NAPRT: variants seen among roughly 807,000 people sequenced by gnomAD.
NAPRT encodes FHA-HIT-interacting protein.
NAPRT carries 66 observed loss-of-function variants against 60.7 expected under a neutral mutation model. The observed-to-expected ratio is 1.09, with a 90% CI of 0.89 to 1.33. NAPRT has a LOEUF of 1.33. NAPRT is among the 40% of genes most tolerant of loss of function. The pLI is 0.00. For missense variants in NAPRT, 818 were observed against 731.5 expected, an observed-to-expected ratio of 1.12 and a Z score of -1.36; for synonymous variants, 405 against 335.7, an observed-to-expected ratio of 1.21 and a Z score of -2.26.
chr8:143,578,037 C>A, intron 1 of NAPRT, 56 bp downstream of exon 1: 1 of 1,505,138 alleles, frequency 6.6e-7, no homozygotes, highest in South Asian at 1.3e-5. Flanking sequence ...TTCCACCGGC[C>A]ATAGGTGGGG....
In NAPRT at chr8:143,576,415, C is replaced by G. The variant is rs759195435; in HGVS notation, c.1022+17G>C. The G allele has an allele frequency of 1.9e-6, 3 of 1,591,550 alleles. No homozygotes were observed. Among genetic ancestry groups the G allele is most frequent in the African/African-American group, 1.3e-5 (1 of 74,384 alleles). On this transcript the variant is annotated intron_variant, in intron 7 of 12. Transcript: ENST00000449291. ...GGGGATCTCCCACCAGGCACACCTC[C>G]TCCCCGGGAAACTCACTGGGCTGCA...
intron 5 of NAPRT, 24 bp from the exon 6 acceptor site, chr8:143,576,866 A>C: frequency 6.3e-7 from 1 of 1,579,176 alleles, no homozygotes; most frequent in Non-Finnish European, 8.6e-7. Flanking sequence ...TCGGTGAAGA[A>C]TGGGGGCCAG....
rs1409993090 is a variant in NAPRT, at chr8:143,575,401, A to AG, written c.1291+21dup. 2.5e-6 allele frequency: 4 copies of AG among 1,593,894 alleles called. No individual in the cohort carries two copies. In the Admixed American group the frequency reaches 5.0e-5, roughly 20 times the overall value. The stretch of plus-strand genomic sequence containing the variant: ...CCCTGGTGCTTTGAAGGTGGACAGC[A>AG]GGGGGGATGGGAGGGCCTCACCGTC... On this transcript the variant is annotated intron_variant, in intron 10 of 12. Transcript: ENST00000449291.
At chr8:143,577,432 GTGAGGA>G in intron 3 of NAPRT, 33 bp from the exon 4 acceptor site, 1 of 1,590,266 alleles carries the variant, frequency 6.3e-7, no homozygotes, top group Non-Finnish European at 8.6e-7. Flanking sequence ...GGGTCCCAGG[GTGAGGA>G]TCACTAGGCC....
rs771976733 is a variant in NAPRT, at chr8:143,575,006, G to A, written c.1534C>T (p.Arg512Trp). The change falls in exon 12 of 13, where the codon CGG (arginine) becomes TGG (tryptophan). Residue 512 changes from arginine (R) to tryptophan (W), a missense_variant. By Grantham distance (101) the Arg-to-Trp change is moderately radical. Transcript: ENST00000449291. Reference sequence around the variant, plus strand: ...CCAACCTGGTACTGTGCAGGGCTCCGCAGCCGCCTGTGCTCAGGGCTGAGT... The same window carrying A: ...CCAACCTGGTACTGTGCAGGGCTCCACAGCCGCCTGTGCTCAGGGCTGAGT... ...SRLSPEHRRL[R>W]SPAQYQVVLS... is the part of the protein sequence containing the mutation. 1.8e-5 allele frequency: 27 copies of A among 1,523,040 alleles called. No homozygotes were observed. The highest frequency in any genetic ancestry group is 1.2e-4 in the African/African-American group (9 of 72,618). 94.3% of individuals were successfully genotyped at this position (1,523,040 alleles called of 1,614,324 possible). A position where few individuals can be genotyped will look rare whatever the true frequency, so the allele number is the denominator to read the frequency against.
intron 3 of NAPRT, 90 bp from the exon 4 acceptor site, chr8:143,577,489 T>G (rs1824559873): frequency 6.7e-7 from 1 of 1,485,890 alleles, no homozygotes; most frequent in Non-Finnish European, 9.0e-7. Context: ...ACTTCCAACC[T>G]GGGAGCTCCA....
Position 143,577,717 on chromosome 8 carries a change from C to G in NAPRT, c.377G>C (p.Gly126Ala), listed in dbSNP as rs1824577187. 2 of 1,546,980 alleles carry G rather than the reference C, an allele frequency of 1.3e-6. No individual in the cohort carries two copies. Among genetic ancestry groups the G allele is most frequent in the Non-Finnish European group, 1.7e-6 (2 of 1,149,014 alleles). The change falls in exon 3 of 13, where the codon GGG becomes GCG. Residue 126 changes from glycine (G) to alanine (A), a missense_variant. By Grantham distance (60) the Gly-to-Ala change is moderately conservative. Coordinates refer to ENST00000449291, the MANE Select transcript of NAPRT (RefSeq NM_145201.6). ...CAGCAGCTGCACCACCAGGAGCGGC[C>G]CGGACACCTGCAGGAGCGGCACCTG... Reference protein sequence around the residue: ...FPGVPLLQVSGPLLVVQLLET... With the variant: ...FPGVPLLQVSAPLLVVQLLET...
chr8:143,573,976 T>G (rs1187434856), downstream of NAPRT: 3 of 152,344 alleles, frequency 2.0e-5, no homozygotes, highest in African/African-American at 7.2e-5. Flanking sequence ...CCCACACCCT[T>G]GCCTGTCTGT....
chr8:143,573,095 G>A, downstream of NAPRT: 1 of 224,776 alleles, frequency 4.4e-6, no homozygotes, highest in Non-Finnish European at 8.7e-6. Flanking sequence ...GTCCTCGCAG[G>A]GTCCAGGAGT....
At position 143,578,321 on chromosome 8, in the gene NAPRT, T is replaced by C; in HGVS notation, c.-3A>G. 7.4e-7 allele frequency: 1 copy of C among 1,355,686 alleles called. No individual in the cohort carries two copies. The highest frequency in any genetic ancestry group is 1.9e-5 in the South Asian group (1 of 52,792). The allele number at this position is 1,355,686 out of a possible 1,614,324, so 84.0% of individuals were successfully genotyped here. On this transcript the variant is annotated 5_prime_UTR_variant, in exon 1 of 13. Coordinates refer to ENST00000449291, the MANE Select transcript of NAPRT (RefSeq NM_145201.6). Reference sequence around the variant, plus strand: ...TCGGGGTCCTGCTCCGCCGCCATCCTGCTCCCGACGTCCGGACTCCGCCCC... The same window carrying C: ...TCGGGGTCCTGCTCCGCCGCCATCCCGCTCCCGACGTCCGGACTCCGCCCC...
In NAPRT at chr8:143,574,993, T is replaced by C; in HGVS notation, c.1547A>G (p.Gln516Arg). The change falls in exon 12 of 13, where the codon CAG (glutamine) becomes CGG (arginine). Residue 516 changes from glutamine (Q) to arginine (R), a missense_variant. Transcript: ENST00000449291. ...PEHRRLRSPA[Q>R]YQVVLSERLQ... ...GGTGGGCCTCCCCCCAACCTGGTAC[T>C]GTGCAGGGCTCCGCAGCCGCCTGTG... 2 of 1,533,896 alleles carry C rather than the reference T, an allele frequency of 1.3e-6. No individual in the cohort carries two copies. Among genetic ancestry groups the C allele is most frequent in the South Asian group, 1.2e-5 (1 of 81,972 alleles).
At chr8:143,574,651 G>A, downstream of NAPRT, 2 of 715,914 alleles carry the variant, frequency 2.8e-6, no homozygotes, top group South Asian at 3.4e-5. Flanking sequence ...CACGCCGGCA[G>A]GGCCTGTGCT....
Position 143,575,422 on chromosome 8 carries a change from C to T in NAPRT, c.1291+1G>A, listed in dbSNP as rs745774193. 6.3e-7 allele frequency: 1 copy of T among 1,591,834 alleles called. No homozygotes were observed. Among genetic ancestry groups the T allele is most frequent in the Non-Finnish European group, 8.6e-7 (1 of 1,162,672 alleles). ...CAGCAGGGGGGATGGGAGGGCCTCA[C>T]CGTCAGAGCCCAGGAGCCGGAAAGC... is the stretch of plus-strand genomic sequence containing the variant. On this transcript the variant is annotated splice_donor_variant, in intron 10 of 12. Transcript: ENST00000449291. LOFTEE classifies it high-confidence loss of function.
At position 143,577,250 on chromosome 8, in the gene NAPRT, C is replaced by T. The variant is rs1409767581; in HGVS notation, c.568+19G>A. Reference sequence around the variant, plus strand: ...CTCCTCCTTCCCGGCCCTTGCCTTGCCCCGCACCAGACACTCACCGCCCAG... The same window carrying T: ...CTCCTCCTTCCCGGCCCTTGCCTTGTCCCGCACCAGACACTCACCGCCCAG... On this transcript the variant is annotated intron_variant, in intron 4 of 12. Transcript: ENST00000449291. 7 of 1,607,650 alleles carry T rather than the reference C, an allele frequency of 4.4e-6. No homozygotes were observed. The highest frequency in any genetic ancestry group is 2.2e-5 in the East Asian group (1 of 44,616).
chr8:143,577,806 C>T lies in NAPRT; in HGVS notation c.354+10G>A, dbSNP rs757699518. ...CGTGGCCGCCGCGCCGCCCGCTTAC[C>T]CCTACTCACTCCGGGGAAGGCGAGG... On this transcript the variant is annotated intron_variant, in intron 2 of 12. Coordinates refer to ENST00000449291, the MANE Select transcript of NAPRT (RefSeq NM_145201.6). 3.7e-6 allele frequency: 6 copies of T among 1,602,432 alleles called. No individual in the cohort carries two copies. The highest frequency in any genetic ancestry group is 3.3e-5 in the South Asian group (3 of 90,102).
intron 10 of NAPRT, 27 bp downstream of exon 10, chr8:143,575,396 A>G: frequency 6.3e-7 from 1 of 1,593,944 alleles, no homozygotes; most frequent in Non-Finnish European, 8.6e-7. Flanking sequence ...TTGAAGGTGG[A>G]CAGCAGGGGG....
chr8:143,576,600 GCTGCTGAGGTT>G lies in NAPRT; in HGVS notation c.881+35_882-29del, dbSNP rs1435338182. 2.5e-6 allele frequency: 4 copies of G among 1,605,954 alleles called. No individual in the cohort carries two copies. In the African/African-American group the frequency reaches 5.4e-5, roughly 21 times the overall value. On this transcript the variant is annotated intron_variant, in intron 6 of 12. Transcript: ENST00000449291. ...GCAGAAATAGATAAGGGAGTCAGAG[GCTGCTGAGGTT>G]CTGCTGAGCCCACCCCTAAAGTGCC...
At position 143,575,104 on chromosome 8, in the gene NAPRT, G is replaced by A. The variant is rs1824336425; in HGVS notation, c.1447-11C>T. The A allele has an allele frequency of 6.5e-7, 1 of 1,535,322 alleles. No individual in the cohort carries two copies. The highest frequency in any genetic ancestry group is 8.8e-7 in the Non-Finnish European group (1 of 1,136,954). ...GAGCGGCTCACACAGCTGCAGGGAG[G>A]AGGTAAGGAAAGAGAAGCTTGGGGC... On this transcript the variant is annotated splice_polypyrimidine_tract_variant and intron_variant, in intron 11 of 12. Transcript: ENST00000449291.
rs749202369 is a variant in NAPRT, at chr8:143,578,082, C to T, written c.226+11G>A. 2.0e-6 allele frequency: 3 copies of T among 1,507,208 alleles called. No homozygotes were observed. In the African/African-American group the frequency reaches 4.3e-5, roughly 21 times the overall value. 93.4% of individuals were successfully genotyped at this position (1,507,208 alleles called of 1,614,324 possible). The stretch of plus-strand genomic sequence containing the variant: ...GGGCGTGGGGGGCTCGTCGCGCGGA[C>T]GGGGGACTACCGGCGTCCCGCAGGC... On this transcript the variant is annotated intron_variant, in intron 1 of 12. Coordinates refer to ENST00000449291, the MANE Select transcript of NAPRT (RefSeq NM_145201.6).
Sources: gnomAD v4.1 joint callset for allele counts on GRCh38, gnomAD v4.1.1 for gene constraint, MANE v1.5 for transcripts, NCBI Gene and HGNC (gene_info 2026-07-23, HGNC 2026-07-21) for gene names.